NEBL: variants seen among roughly 807,000 people sequenced by gnomAD.
NEBL encodes the protein nebulette.
In NEBL, 122 loss-of-function variants were observed where a neutral mutation model predicts 140.2. The ratio of observed to expected loss-of-function variants is 0.87; its 90% CI spans 0.75 to 1.01. NEBL has a LOEUF of 1.01. NEBL is among the 50% of genes least tolerant of loss of function. The pLI is 0.00. For missense variants in NEBL, 1,365 were observed against 1,231.3 expected, an observed-to-expected ratio of 1.11 and a Z score of -1.62; for synonymous variants, 436 against 398.9, an observed-to-expected ratio of 1.09 and a Z score of -1.11.
chr10:20,792,736 G>T (rs1462662617), intron 26 of NEBL, among the ~76,000 whole-genome samples: 5 of 151,674 alleles, frequency 3.3e-5, no homozygotes, highest in Non-Finnish European at 2.9e-5. Flanking sequence ...TGAAGAGGAG[G>T]TTGCAGTGAG....
chr10:21,272,205 T>A (rs931024422), intron 1 of NEBL, among the ~76,000 whole-genome samples: 2 of 144,058 alleles, frequency 1.4e-5, no homozygotes, highest in Non-Finnish European at 3.0e-5. Flanking sequence ...GACCTCGTTA[T>A]CCACCCACCT....
chr10:21,202,959 TG>T (rs1841765611), intron 3 of NEBL, among the ~76,000 whole-genome samples: 2 of 152,244 alleles, frequency 1.3e-5, no homozygotes, highest in African/African-American at 4.8e-5. Context: ...AGAAAATTCC[TG>T]ACAGACTAGG....
At chr10:21,232,479 T>C (rs1564546831) in intron 3 of NEBL, among the ~76,000 whole-genome samples, 2 of 152,226 alleles carry the variant, frequency 1.3e-5, no homozygotes, top group African/African-American at 4.8e-5. Context: ...CTCACCATAA[T>C]GTACAATCAG....
chr10:20,998,166 A>G (rs759001633), intron 3 of NEBL, among the ~76,000 whole-genome samples: 4 of 152,196 alleles, frequency 2.6e-5, no homozygotes, highest in African/African-American at 9.7e-5. Flanking sequence ...TAATAATGAC[A>G]ATGCTGAGAT....
At chr10:20,862,757 C>CT (rs1843846920) in intron 7 of NEBL, among the ~76,000 whole-genome samples, 1 of 152,190 alleles carries the variant, frequency 6.6e-6, no homozygotes, top group Non-Finnish European at 1.5e-5. Flanking sequence ...CACAATGTTA[C>CT]TCCTTATACC....
At chr10:20,821,061 G>T (rs1284172428) in intron 19 of NEBL, among the ~76,000 whole-genome samples, 1 of 152,124 alleles carries the variant, frequency 6.6e-6, no homozygotes, top group African/African-American at 2.4e-5. Flanking sequence ...CTAAAGGGAG[G>T]AATGTTTCAG....
chr10:20,908,013 G>A (rs950758105), intron 4 of NEBL, among the ~76,000 whole-genome samples: 1 of 152,132 alleles, frequency 6.6e-6, no homozygotes, highest in Non-Finnish European at 1.5e-5. Flanking sequence ...ATGATGGGAG[G>A]CAGCCATGAA....
chr10:21,041,374 C>T (rs936430257), intron 2 of NEBL, among the ~76,000 whole-genome samples: 3 of 152,166 alleles, frequency 2.0e-5, no homozygotes, highest in African/African-American at 7.2e-5. Context: ...AAAGCCACTG[C>T]AGCTTCAATA....
At chr10:21,088,737 C>G (rs932981903) in intron 2 of NEBL, among the ~76,000 whole-genome samples, 3 of 152,182 alleles carry the variant, frequency 2.0e-5, no homozygotes, top group Admixed American at 6.5e-5. Flanking sequence ...TGGACTGTAC[C>G]TTGGAATCTT....
At chr10:21,112,741 TAA>T (rs11342075) in intron 2 of NEBL, 274 of 139,126 alleles carry the variant, frequency 2.0e-3, no homozygotes, top group East Asian at 3.1e-3. Context: ...TAAAGTATAA[TAA>T]AAAAAAAAAA....
chr10:21,208,341 G>A (rs781417726), intron 3 of NEBL, among the ~76,000 whole-genome samples: 8 of 152,162 alleles, frequency 5.3e-5, no homozygotes, highest in Non-Finnish European at 1.0e-4. Context: ...GCAAGTTGTT[G>A]TCTTTAGGGC....
At chr10:21,258,671 C>T (rs578155918) in intron 1 of NEBL, among the ~76,000 whole-genome samples, 1 of 151,600 alleles carries the variant, frequency 6.6e-6, no homozygotes, top group East Asian at 1.9e-4. Flanking sequence ...CGCCATTGCA[C>T]TCCAGCCTGG....
At chr10:21,186,115 T>C (rs1483759163) in intron 3 of NEBL, among the ~76,000 whole-genome samples, 2 of 152,160 alleles carry the variant, frequency 1.3e-5, no homozygotes, top group Non-Finnish European at 2.9e-5. Flanking sequence ...TTTTAAATTT[T>C]AAGACTTCAG....
intron 2 of NEBL, among the ~76,000 whole-genome samples, chr10:21,123,903 T>G (rs978780858): frequency 3.4e-5 from 5 of 147,132 alleles, no homozygotes; most frequent in African/African-American, 1.2e-4. Context: ...TGTAAGTTCT[T>G]TTTTTTTTTT....
At chr10:21,234,808 TCTGCC>T (rs1842326800) in intron 3 of NEBL, among the ~76,000 whole-genome samples, 1 of 152,090 alleles carries the variant, frequency 6.6e-6, no homozygotes, top group African/African-American at 2.4e-5. Flanking sequence ...TCAGCAGCAC[TCTGCC>T]CTGAAGTTTC....
chr10:21,032,947 C>A (rs1364035569), intron 2 of NEBL, among the ~76,000 whole-genome samples: 1 of 152,156 alleles, frequency 6.6e-6, no homozygotes, highest in Non-Finnish European at 1.5e-5. Context: ...CTATGAAATG[C>A]TTATCGGCTA....
chr10:21,275,329 G>C (rs1842906780), intron 1 of NEBL, among the ~76,000 whole-genome samples: 1 of 152,120 alleles, frequency 6.6e-6, no homozygotes, highest in African/African-American at 2.4e-5. Flanking sequence ...TCTGTCTCAG[G>C]CTTGACCCCA....
chr10:20,979,710 T>C (rs77390379), intron 3 of NEBL, among the ~76,000 whole-genome samples: 5,874 of 152,180 alleles, frequency 0.039, 360 homozygotes, highest in African/African-American at 0.13. Flanking sequence ...AATTCATTTA[T>C]GTGTTTGTTT....
chr10:21,069,118 G>A (rs995101185), intron 2 of NEBL, among the ~76,000 whole-genome samples: 1 of 152,016 alleles, frequency 6.6e-6, no homozygotes, highest in Non-Finnish European at 1.5e-5. Flanking sequence ...TGAACTCCTG[G>A]GCTCAGGTGA....
Sources: allele counts gnomAD v4.1 joint callset (sites outside exome capture counted in the v4.1 genomes callset), GRCh38; gene constraint gnomAD v4.1.1; transcripts MANE v1.5; gene names NCBI Gene and HGNC (gene_info 2026-07-23, HGNC 2026-07-21).